CORIN: variants seen among roughly 807,000 people sequenced by gnomAD.
CORIN encodes the protein atrial natriuretic peptide-converting enzyme.
Under a neutral mutation model 125.3 loss-of-function variants are expected in CORIN, and 117 were observed. The observed-to-expected ratio is 0.93, with a 90% CI of 0.80 to 1.09. The LOEUF (loss-of-function observed/expected upper bound fraction) is 1.09. Among genes scored for constraint, CORIN ranks in the 50% least tolerant of loss-of-function variants. The pLI is 0.00. For synonymous variants in CORIN, 450 were observed against 466.4 expected (o/e 0.96, Z 0.45); for missense variants, 1,253 against 1,306.7 (o/e 0.96, Z 0.63).
At chr4:47,824,663 A>G (rs1732663813) in intron 1 of CORIN, among the ~76,000 whole-genome samples, 1 of 152,102 alleles carries the variant, frequency 6.6e-6, no homozygotes, top group African/African-American at 2.4e-5. Context: ...TGGAAACTCA[A>G]TTCTATTGTT....
intron 1 of CORIN, among the ~76,000 whole-genome samples, chr4:47,818,996 T>A (rs1003450242): frequency 6.6e-6 from 1 of 152,056 alleles, no homozygotes; most frequent in African/African-American, 2.4e-5. Context: ...TTCTTACGTA[T>A]CAAGTTTCAG....
At chr4:47,711,069 G>T (rs1045953597) in intron 5 of CORIN, among the ~76,000 whole-genome samples, 2 of 152,166 alleles carry the variant, frequency 1.3e-5, no homozygotes, top group African/African-American at 4.8e-5. Flanking sequence ...GAGGGTAGTG[G>T]GATGAAAGCT....
At chr4:47,622,634 T>G (rs868368921) in intron 19 of CORIN, among the ~76,000 whole-genome samples, 5 of 152,210 alleles carry the variant, frequency 3.3e-5, no homozygotes, top group South Asian at 2.1e-4. Context: ...GTTTTTTGTC[T>G]GCATAAATGT....
intron 10 of CORIN, among the ~76,000 whole-genome samples, chr4:47,669,875 T>C (rs922692171): frequency 6.6e-6 from 1 of 152,196 alleles, no homozygotes; most frequent in Non-Finnish European, 1.5e-5. Context: ...GGCTTCTTTA[T>C]AATTTTATTA....
intron 5 of CORIN, among the ~76,000 whole-genome samples, chr4:47,723,072 G>A (rs1415177135): frequency 6.6e-6 from 1 of 152,176 alleles, no homozygotes; most frequent in Non-Finnish European, 1.5e-5. Context: ...AGGACGGGGA[G>A]TCCCCTGAGA....
intron 12 of CORIN, among the ~76,000 whole-genome samples, chr4:47,657,622 A>G (rs1724053659): frequency 6.6e-6 from 1 of 151,950 alleles, no homozygotes; most frequent in African/African-American, 2.4e-5. Context: ...TGCAGGCTTT[A>G]AAGGAGGCCT....
intron 10 of CORIN, among the ~76,000 whole-genome samples, chr4:47,667,786 T>C (rs764747166): frequency 1.4e-4 from 21 of 151,636 alleles, no homozygotes; most frequent in Middle Eastern, 3.2e-3. Context: ...ACGGAAGAGG[T>C]TTGGGGTTGG....
At chr4:47,764,021 G>A (rs1293283606) in intron 3 of CORIN, among the ~76,000 whole-genome samples, 1 of 151,994 alleles carries the variant, frequency 6.6e-6, no homozygotes, top group African/African-American at 2.4e-5. Flanking sequence ...CTTGATCTTT[G>A]CATAGTTTAC....
Position 47,674,422 on chromosome 4 carries a change from C to CAG in CORIN, c.1326_1327dup (p.Cys443SerfsTer8). ...GTTATTCAGACTGTTGTTCGGGTCA[C>CAG]AGAGAGAGCTACCACCACATGAATC... On this transcript the variant is annotated frameshift_variant, in exon 10 of 22. Coordinates refer to ENST00000273857, the MANE Select transcript of CORIN (RefSeq NM_006587.4). LOFTEE classifies it high-confidence loss of function. 1 of 1,613,786 alleles carries CAG rather than the reference C, an allele frequency of 6.2e-7. No individual in the cohort carries two copies. Among genetic ancestry groups the CAG allele is most frequent in the Non-Finnish European group, 8.5e-7 (1 of 1,179,724 alleles).
At chr4:47,763,347 C>A in intron 4 of CORIN, 32 bp downstream of exon 4, 1 of 1,568,338 alleles carries the variant, frequency 6.4e-7, no homozygotes, top group Non-Finnish European at 8.7e-7. Flanking sequence ...ATAACCAACT[C>A]TTATCACTGA....
intron 19 of CORIN, among the ~76,000 whole-genome samples, chr4:47,611,805 G>T (rs1212666364): frequency 6.6e-6 from 1 of 152,116 alleles, no homozygotes; most frequent in East Asian, 1.9e-4. Context: ...TAATATGAAG[G>T]GATGTTGAAT....
chr4:47,640,829 G>C, intron 16 of CORIN, among the ~76,000 whole-genome samples: 1 of 151,998 alleles, frequency 6.6e-6, no homozygotes, highest in Non-Finnish European at 1.5e-5. Context: ...AGGTTTTATC[G>C]AGAAGAAAAA....
At chr4:47,768,187 T>G (rs1285746923) in intron 3 of CORIN, among the ~76,000 whole-genome samples, 6 of 152,118 alleles carry the variant, frequency 3.9e-5, no homozygotes, top group African/African-American at 1.4e-4. Flanking sequence ...ACCCAAATCT[T>G]ATAAAACGGC....
At chr4:47,735,795 C>A (rs1728103580) in intron 5 of CORIN, among the ~76,000 whole-genome samples, 2 of 151,836 alleles carry the variant, frequency 1.3e-5, no homozygotes, top group Admixed American at 6.6e-5. Context: ...TGGTGGGCAC[C>A]TGTAGTCCCA....
In CORIN at chr4:47,808,454, T is replaced by G. The variant is rs1042642648; in HGVS notation, c.64-1407A>C. Among the ~76,000 whole-genome samples the G allele has an allele frequency of 2.6e-5, 4 of 152,230 alleles. No individual in the cohort carries two copies. The South Asian group carries it at 8.3e-4, about 32-fold the overall frequency. Reference sequence around the variant, plus strand: ...AGGCATATGTGATTCCCATTTCTGCTTTATTCTCTCTATAAGGGAATATAG... The same window carrying G: ...AGGCATATGTGATTCCCATTTCTGCGTTATTCTCTCTATAAGGGAATATAG... On this transcript the variant is annotated intron_variant, in intron 1 of 21. Coordinates refer to ENST00000273857, the MANE Select transcript of CORIN (RefSeq NM_006587.4).
chr4:47,673,157 G>A (rs1560499480), intron 10 of CORIN, among the ~76,000 whole-genome samples: 1 of 151,206 alleles, frequency 6.6e-6, no homozygotes, highest in African/African-American at 2.4e-5. Flanking sequence ...TGACCAACAT[G>A]GTGAAACGCC....
At position 47,776,220 on chromosome 4, in the gene CORIN, G is replaced by T. The variant is rs545986726; in HGVS notation, c.409+10505C>A. Reference sequence around the variant, plus strand: ...TTTGTAGAGATAGTTTTGCCATGTTGCCCAGGCTGGTCTCAAACTCCTGAA... The same window carrying T: ...TTTGTAGAGATAGTTTTGCCATGTTTCCCAGGCTGGTCTCAAACTCCTGAA... On this transcript the variant is annotated intron_variant, in intron 3 of 21. Transcript: ENST00000273857. Among the ~76,000 whole-genome samples, 80 of 151,862 alleles carry T rather than the reference G, an allele frequency of 5.3e-4. 1 individual carries two copies. Among genetic ancestry groups the T allele is most frequent in the African/African-American group, 1.8e-3 (73 of 41,416 alleles).
At chr4:47,634,887 C>T (rs1382471573) in intron 16 of CORIN, among the ~76,000 whole-genome samples, 1 of 152,130 alleles carries the variant, frequency 6.6e-6, no homozygotes, top group South Asian at 2.1e-4. Context: ...GATGTAGGTC[C>T]CAAAGGAAGG....
intron 5 of CORIN, among the ~76,000 whole-genome samples, chr4:47,708,604 T>C (rs1315755683): frequency 6.6e-6 from 1 of 152,104 alleles, no homozygotes; most frequent in Non-Finnish European, 1.5e-5. Flanking sequence ...CTTAATATCT[T>C]ATTCATTTTT....
Sources: allele counts gnomAD v4.1 joint callset (sites outside exome capture counted in the v4.1 genomes callset), GRCh38; gene constraint gnomAD v4.1.1; transcripts MANE v1.5; gene names NCBI Gene and HGNC (gene_info 2026-07-23, HGNC 2026-07-21).